Variants in SUGCT observed in about 807,000 individuals in gnomAD.
The protein encoded by SUGCT is succinyl-CoA:glutarate CoA-transferase.
In SUGCT, 41 loss-of-function variants were observed where a neutral mutation model predicts 55.0. The ratio of observed to expected loss-of-function variants is 0.74; its 90% confidence interval spans 0.58 to 0.97. The LOEUF (loss-of-function observed/expected upper bound fraction) is 0.97, where lower values mean the gene tolerates loss of function less well. SUGCT is among the 50% of genes least tolerant of loss of function. The probability of loss-of-function intolerance (pLI) is 0.00; values close to 1 mark genes in which losing one functional copy is unlikely to be tolerated. For synonymous variants in SUGCT, 187 were observed against 200.4 expected (o/e 0.93, Z 0.56); for missense variants, 568 against 547.8 (o/e 1.04, Z -0.37).
At chr7:40,873,238 G>GA in the SUGCT span, among the ~76,000 whole-genome samples, 5 of 152,204 alleles carry the variant, frequency 3.3e-5, no homozygotes, top group East Asian at 9.6e-4. Context: ...CTTCCCATTG[G>GA]AAAAAATTAC....
At chr7:41,025,628 T>G in the SUGCT span, among the ~76,000 whole-genome samples, 1 of 152,182 alleles carries the variant, frequency 6.6e-6, no homozygotes, top group African/African-American at 2.4e-5. Flanking sequence ...CTGCTGGGAT[T>G]ACAGATGTGA....
At chr7:40,668,946 G>C (rs1801789942) in intron 12 of SUGCT, among the ~76,000 whole-genome samples, 1 of 152,152 alleles carries the variant, frequency 6.6e-6, no homozygotes. Context: ...CTGACAGGGT[G>C]TTCAGAGAAG....
chr7:40,426,464 A>G (rs1056924908), intron 9 of SUGCT, among the ~76,000 whole-genome samples: 2 of 152,188 alleles, frequency 1.3e-5, no homozygotes, highest in Non-Finnish European at 2.9e-5. Context: ...CTATGTCCTC[A>G]AGTAATTAAA....
At position 40,822,023 on chromosome 7, in the gene SUGCT, CCAGTAGTCATT is replaced by C. The variant is rs1395462720; in HGVS notation, c.1154-38289_1154-38279del. ...TTTCTGCCTTCATTTCATTATGTAC[CCAGTAGTCATT>C]CAGGAGCAGATTGTTCAGTTTCCAT... On this transcript the variant is annotated intron_variant, in intron 13 of 13. Transcript: ENST00000335693. 2.0e-5 allele frequency among the ~76,000 whole-genome samples: 3 copies of C among 152,146 alleles called. No homozygotes were observed. In the East Asian group the frequency reaches 5.8e-4, roughly 29 times the overall value.
intron 11 of SUGCT, among the ~76,000 whole-genome samples, chr7:40,489,606 A>C (rs530436434): frequency 6.6e-6 from 1 of 152,208 alleles, no homozygotes; most frequent in South Asian, 2.1e-4. Context: ...ATTTGAACCC[A>C]GGAGGTCGAG....
chr7:40,234,274 G>C (rs1190174591), intron 6 of SUGCT, among the ~76,000 whole-genome samples: 3 of 152,194 alleles, frequency 2.0e-5, no homozygotes, highest in African/African-American at 7.2e-5. Flanking sequence ...ACAGTGCACA[G>C]GCCTTCCTGC....
chr7:40,784,345 G>A (rs17688144), intron 13 of SUGCT, among the ~76,000 whole-genome samples: 3,721 of 152,248 alleles, frequency 0.024, 74 homozygotes, highest in Middle Eastern at 0.058. Flanking sequence ...AGGGCTAAGA[G>A]CATTCTTTTC....
rs376612128 is a variant in SUGCT, at chr7:40,495,927, T to A, written c.987-357T>A. Among the ~76,000 whole-genome samples, 24 of 152,288 alleles carry A rather than the reference T, an allele frequency of 1.6e-4. No homozygotes were observed. The South Asian group carries it at 5.0e-3, about 32-fold the overall frequency. ...TATATCAGTGCCTATCCTAACCCGA[T>A]TTCCACTACCTGAGACCTAAAAGAC... On this transcript the variant is annotated intron_variant, in intron 11 of 13. Coordinates refer to ENST00000335693, the MANE Select transcript of SUGCT (RefSeq NM_001193313.2).
intron 7 of SUGCT, among the ~76,000 whole-genome samples, chr7:40,245,436 T>TA (rs1378144967): frequency 0.11 from 8,115 of 75,350 alleles, 946 homozygotes; most frequent in Non-Finnish European, 0.14. Context: ...TTTTTTTTTT[T>TA]TTTTTTTTTT....
At chr7:40,414,282 A>G (rs1786848973) in intron 9 of SUGCT, among the ~76,000 whole-genome samples, 1 of 152,144 alleles carries the variant, frequency 6.6e-6, no homozygotes, top group Admixed American at 6.6e-5. Context: ...GTGAGTAGCA[A>G]ATCTTGTGAT....
chr7:40,596,557 A>G lies in SUGCT; in HGVS notation c.1089+100171A>G, dbSNP rs1450442156. Among the ~76,000 whole-genome samples the G allele has an allele frequency of 2.4e-4, 36 of 152,190 alleles. 1 individual carries two copies. Among genetic ancestry groups the G allele is most frequent in the Non-Finnish European group, 2.9e-5 (2 of 68,024 alleles). ...AACTTAAGGTCCTATCAACTACCCA[A>G]GAAAATATGACTCTTCTCCTCCATG... On this transcript the variant is annotated intron_variant, in intron 12 of 13. Transcript: ENST00000335693.
chr7:40,904,549 G>A, the SUGCT span, among the ~76,000 whole-genome samples: 1 of 152,224 alleles, frequency 6.6e-6, no homozygotes, highest in Admixed American at 6.5e-5. Flanking sequence ...TGGAAGGAAT[G>A]AGGAATGGGG....
At chr7:40,186,782 G>A (rs1785542278) in intron 3 of SUGCT, among the ~76,000 whole-genome samples, 1 of 152,180 alleles carries the variant, frequency 6.6e-6, no homozygotes, top group Non-Finnish European at 1.5e-5. Flanking sequence ...GGGGACACGA[G>A]GCCAGGGCTG....
chr7:41,032,236 C>A, the SUGCT span, among the ~76,000 whole-genome samples: 1 of 152,146 alleles, frequency 6.6e-6, no homozygotes, highest in Admixed American at 6.5e-5. Flanking sequence ...TGGTTACCTA[C>A]CTAGTACCCA....
chr7:40,699,845 G>A (rs1218917592), intron 12 of SUGCT, among the ~76,000 whole-genome samples: 1 of 152,070 alleles, frequency 6.6e-6, no homozygotes, highest in Non-Finnish European at 1.5e-5. Flanking sequence ...GTGACAGAGC[G>A]AGACTCCATC....
intron 13 of SUGCT, among the ~76,000 whole-genome samples, chr7:40,841,908 C>A (rs147051285): frequency 6.6e-6 from 1 of 152,050 alleles, no homozygotes; most frequent in South Asian, 2.1e-4. Context: ...AAATAAATGA[C>A]CATACTCAGA....
At chr7:40,428,447 G>A (rs75740780) in intron 9 of SUGCT, among the ~76,000 whole-genome samples, 3,416 of 151,962 alleles carry the variant, frequency 0.022, 115 homozygotes, top group African/African-American at 0.078. Context: ...GCTTATCCCC[G>A]TGTTTTCCTG....
intron 12 of SUGCT, among the ~76,000 whole-genome samples, chr7:40,521,822 C>G (rs143512024): frequency 1.1e-4 from 16 of 151,950 alleles, no homozygotes; most frequent in African/African-American, 3.6e-4. Flanking sequence ...TCTTCATTTG[C>G]GCTAATAATA....
the SUGCT span, among the ~76,000 whole-genome samples, chr7:40,925,875 C>T: frequency 1.3e-5 from 2 of 152,100 alleles, no homozygotes; most frequent in African/African-American, 4.8e-5. Context: ...GGGGGGACTG[C>T]TTGAGTCCAG....
Sources: gnomAD v4.1 joint callset for allele counts (sites outside exome capture counted in the v4.1 genomes callset) on GRCh38, gnomAD v4.1.1 for gene constraint, MANE v1.5 for transcripts, NCBI Gene and HGNC (gene_info 2026-07-23, HGNC 2026-07-21) for gene names.